The following FRAS1 variants were observed in gnomAD, a reference collection of about 807,000 sequenced individuals.
FRAS1 encodes the protein Fraser extracellular matrix complex subunit 1, also known as extracellular matrix organizing protein FRAS1.
Under a neutral mutation model 435.2 loss-of-function variants are expected in FRAS1, and 290 were observed. That is an observed-to-expected ratio of 0.67 (90% confidence interval 0.61 to 0.73). The LOEUF (loss-of-function observed/expected upper bound fraction) is 0.73, where lower values mean the gene tolerates loss of function less well. Ranked by LOEUF, FRAS1 falls within the 30% of genes least tolerant of loss-of-function variation. The pLI is 0.00. For synonymous variants in FRAS1, 1,800 were observed against 1,851.0 expected (o/e 0.97, Z 0.71); for missense variants, 4,860 against 5,001.5 (o/e 0.97, Z 0.85).
intron 2 of FRAS1, among the ~76,000 whole-genome samples, chr4:78,179,801 C>A (rs564120554): frequency 4.6e-5 from 7 of 152,272 alleles, no homozygotes; most frequent in Middle Eastern, 3.4e-3. Flanking sequence ...GACATAGGAG[C>A]TACCCAGGGC....
chr4:78,098,881 T>C (rs981591394), intron 2 of FRAS1, among the ~76,000 whole-genome samples: 3 of 152,194 alleles, frequency 2.0e-5, no homozygotes, highest in African/African-American at 7.2e-5. Flanking sequence ...GAATCTCTTT[T>C]GGTAGGAATT....
chr4:78,116,199 T>G (rs1245938591), intron 2 of FRAS1, among the ~76,000 whole-genome samples: 1 of 152,192 alleles, frequency 6.6e-6, no homozygotes, highest in Non-Finnish European at 1.5e-5. Context: ...GAGAGACAGT[T>G]TGTTATAATG....
At chr4:78,169,545 A>G (rs1034165028) in intron 2 of FRAS1, among the ~76,000 whole-genome samples, 1 of 152,092 alleles carries the variant, frequency 6.6e-6, no homozygotes, top group Non-Finnish European at 1.5e-5. Context: ...AACATCACTA[A>G]CCACAACGTA....
intron 2 of FRAS1, among the ~76,000 whole-genome samples, chr4:78,160,985 A>G (rs1721112865): frequency 6.6e-6 from 1 of 152,072 alleles, no homozygotes; most frequent in South Asian, 2.1e-4. Flanking sequence ...CTAAAAATAC[A>G]AAATTAGCCA....
At chr4:78,157,792 T>C (rs1322182991) in intron 2 of FRAS1, among the ~76,000 whole-genome samples, 4 of 152,194 alleles carry the variant, frequency 2.6e-5, no homozygotes, top group Non-Finnish European at 5.9e-5. Flanking sequence ...TTTCTTTTTT[T>C]GCTGTGCAGA....
rs2109914328 is a variant in FRAS1, at chr4:78,544,083, GT to G, written c.*2961del. 1 of 152,710 alleles carries G rather than the reference GT, an allele frequency of 6.5e-6. No individual in the cohort carries two copies. Among genetic ancestry groups the G allele is most frequent in the East Asian group, 1.9e-4 (1 of 5,182 alleles). 9.5% of individuals were successfully genotyped at this position (152,710 alleles called of 1,614,324 possible). A position where few individuals can be genotyped will look rare whatever the true frequency, so the allele number is the denominator to read the frequency against. On this transcript the variant is annotated 3_prime_UTR_variant, in exon 74 of 74. Transcript: ENST00000512123. ...CAGTCTCAGTCTGCTATAGGTATTT[GT>G]TATTCTTGGATACTACACACCTGCT...
At chr4:78,085,455 A>C (rs1741098013) in intron 2 of FRAS1, among the ~76,000 whole-genome samples, 2 of 152,170 alleles carry the variant, frequency 1.3e-5, no homozygotes, top group South Asian at 4.1e-4. Flanking sequence ...CTAAGGAATC[A>C]ATCAATACTG....
intron 18 of FRAS1, among the ~76,000 whole-genome samples, chr4:78,326,875 A>G (rs72866334): frequency 0.077 from 11,669 of 152,192 alleles, 694 homozygotes; most frequent in African/African-American, 0.16. Context: ...CACACACACT[A>G]CCTGGCCACC....
chr4:78,437,259 A>G (rs1734465593), intron 38 of FRAS1, among the ~76,000 whole-genome samples: 1 of 152,218 alleles, frequency 6.6e-6, no homozygotes, highest in African/African-American at 2.4e-5. Context: ...AGGAGCCAGG[A>G]GCTCTGTCCT....
chr4:78,264,133 G>C (rs1195825391), intron 6 of FRAS1, among the ~76,000 whole-genome samples: 1 of 152,132 alleles, frequency 6.6e-6, no homozygotes, highest in Non-Finnish European at 1.5e-5. Flanking sequence ...CATTTCCTCT[G>C]CCTTTCATGT....
At chr4:78,320,494 G>T (rs752223441) in intron 18 of FRAS1, among the ~76,000 whole-genome samples, 1 of 152,126 alleles carries the variant, frequency 6.6e-6, no homozygotes, top group Non-Finnish European at 1.5e-5. Context: ...ATTCTCTTCC[G>T]TGGGTTTAGG....
intron 16 of FRAS1, 100 bp downstream of exon 16, chr4:78,315,834 A>T: frequency 8.0e-7 from 1 of 1,251,066 alleles, no homozygotes; most frequent in Middle Eastern, 1.9e-4. Flanking sequence ...CGAGTGTATG[A>T]TGGGAAAGCA....
At chr4:78,277,360 C>T (rs1294615964) in intron 9 of FRAS1, among the ~76,000 whole-genome samples, 1 of 152,162 alleles carries the variant, frequency 6.6e-6, no homozygotes, top group Non-Finnish European at 1.5e-5. Context: ...GAGATATACC[C>T]AGTACCTCAG....
In FRAS1 at chr4:78,542,478, A is replaced by C. The variant is rs906638631; in HGVS notation, c.*1354A>C. On this transcript the variant is annotated 3_prime_UTR_variant, in exon 74 of 74. Transcript: ENST00000512123. ...GCACAATTTCATTATTCGAGAGTAA[A>C]AGACATGTCCTCTTCTGATGCATGG... The C allele has an allele frequency of 1.3e-5, 2 of 152,642 alleles. No homozygotes were observed. Among genetic ancestry groups the C allele is most frequent in the African/African-American group, 4.8e-5 (2 of 41,440 alleles). The allele number at this position is 152,642 out of a possible 1,614,324, so 9.5% of individuals were successfully genotyped here. A position where few individuals can be genotyped will look rare whatever the true frequency, so the allele number is the denominator to read the frequency against.
chr4:78,062,534 A>G (rs905680015), intron 1 of FRAS1, among the ~76,000 whole-genome samples: 1 of 152,118 alleles, frequency 6.6e-6, no homozygotes, highest in African/African-American at 2.4e-5. Context: ...CTTTGAACTA[A>G]TGGGTCTGAC....
intron 15 of FRAS1, among the ~76,000 whole-genome samples, chr4:78,313,369 A>G (rs1430308436): frequency 2.6e-5 from 4 of 152,220 alleles, no homozygotes; most frequent in Non-Finnish European, 4.4e-5. Flanking sequence ...ATTTGGCCCC[A>G]TCATTTAGCG....
chr4:78,383,089 T>C (rs551156938), intron 27 of FRAS1, among the ~76,000 whole-genome samples: 71 of 152,350 alleles, frequency 4.7e-4, no homozygotes, highest in African/African-American at 1.7e-3. Context: ...GCGAGTTCTG[T>C]GCTTGGTTTG....
At chr4:78,123,493 G>GT (rs1184058912) in intron 2 of FRAS1, among the ~76,000 whole-genome samples, 3 of 152,098 alleles carry the variant, frequency 2.0e-5, no homozygotes, top group African/African-American at 4.8e-5. Context: ...GTTTTAAGTA[G>GT]TTTTTTCCAG....
chr4:78,283,864 A>G (rs562157339), intron 12 of FRAS1, among the ~76,000 whole-genome samples: 1 of 152,352 alleles, frequency 6.6e-6, no homozygotes, highest in South Asian at 2.1e-4. Flanking sequence ...ACCTGAAAAA[A>G]GAAGTCCCTT....
Sources: allele counts gnomAD v4.1 joint callset (sites outside exome capture counted in the v4.1 genomes callset), GRCh38; gene constraint gnomAD v4.1.1; transcripts MANE v1.5; gene names NCBI Gene and HGNC (gene_info 2026-07-23, HGNC 2026-07-21).